The following MTDH variants were observed in gnomAD, a reference collection of about 807,000 sequenced individuals.
MTDH encodes protein LYRIC.
Under a neutral mutation model 72.7 loss-of-function variants are expected in MTDH, and 34 were observed. That is an observed-to-expected ratio of 0.47 (90% CI 0.36 to 0.62). MTDH has a LOEUF of 0.62. Ranked by LOEUF, MTDH falls within the 20% of genes least tolerant of loss-of-function variation. The pLI is 0.00. For missense variants in MTDH, 677 were observed against 699.4 expected (o/e 0.97, Z 0.36); for synonymous variants, 266 against 268.9 (o/e 0.99, Z 0.10).
chr8:97,672,033 A>G (rs1812644745), intron 2 of MTDH, among the ~76,000 whole-genome samples: 1 of 152,170 alleles, frequency 6.6e-6, no homozygotes, highest in Non-Finnish European at 1.5e-5. Context: ...GCAAAACAGA[A>G]TATCTGCATG....
intron 2 of MTDH, among the ~76,000 whole-genome samples, chr8:97,661,974 A>G (rs905695834): frequency 1.3e-5 from 2 of 151,516 alleles, no homozygotes; most frequent in Admixed American, 6.6e-5. Context: ...TGGATGTGAG[A>G]TTTTCCAAGT....
intron 8 of MTDH, among the ~76,000 whole-genome samples, chr8:97,712,928 A>C (rs1814695282): frequency 6.6e-6 from 1 of 152,070 alleles, no homozygotes; most frequent in Admixed American, 6.6e-5. Context: ...AGTTCCATGG[A>C]TGGAACCATA....
At chr8:97,673,660 TGGGCGGGGCGGGGA>T (rs1218084404) in intron 2 of MTDH, among the ~76,000 whole-genome samples, 1 of 98,912 alleles carries the variant, frequency 1.0e-5, no homozygotes, top group Non-Finnish European at 2.0e-5. Context: ...AACTCTGTCT[TGGGCGGGGCGGGGA>T]AGGGGGGGCA....
intron 11 of MTDH, among the ~76,000 whole-genome samples, chr8:97,723,458 A>G (rs1815219116): frequency 7.1e-6 from 1 of 140,948 alleles, no homozygotes; most frequent in South Asian, 2.3e-4. Flanking sequence ...AAAATGCTAA[A>G]TTCTGCCGGG....
chr8:97,664,771 C>G (rs894953512), intron 2 of MTDH, among the ~76,000 whole-genome samples: 2 of 135,030 alleles, frequency 1.5e-5, no homozygotes, highest in African/African-American at 5.5e-5. Flanking sequence ...TCTTTTTTTT[C>G]TTTCCTTTCT....
At chr8:97,720,118 C>T (rs537913635) in intron 10 of MTDH, among the ~76,000 whole-genome samples, 2 of 151,850 alleles carry the variant, frequency 1.3e-5, no homozygotes, top group Non-Finnish European at 2.9e-5. Context: ...AACCCTGTCT[C>T]TACTAAAAAT....
Position 97,691,017 on chromosome 8 carries a change from C to G in MTDH, c.877C>G (p.Leu293Val), listed in dbSNP as rs1290784572. The G allele has an allele frequency of 6.2e-7, 1 of 1,613,984 alleles. No individual in the cohort carries two copies. Among genetic ancestry groups the G allele is most frequent in the Non-Finnish European group, 8.5e-7 (1 of 1,180,004 alleles). Residue 293 changes from leucine (L) to valine (V), a missense_variant, in exon 6 of 12, where the codon CTC (leucine) becomes GTC (valine). Physicochemically the swap from Leu to Val is conservative, Grantham distance 32. Transcript: ENST00000336273. The part of the protein sequence containing the change: ...GGGWNEKSVK[L>V]SSQISAGEEK... ...AGGCTGGAATGAAAAGTCTGTAAAA[C>G]TCTCCTCACAGATCAGTGCAGGTGA... is the stretch of plus-strand genomic sequence containing the variant.
intron 2 of MTDH, among the ~76,000 whole-genome samples, chr8:97,662,843 A>G (rs1054580263): frequency 6.6e-6 from 1 of 151,398 alleles, no homozygotes; most frequent in Non-Finnish European, 1.5e-5. Context: ...AATGCTTCCA[A>G]TTTCAAAATG....
Position 97,727,661 on chromosome 8 carries a change from A to G in MTDH, c.*2991A>G, listed in dbSNP as rs1815410375. On this transcript the variant is annotated 3_prime_UTR_variant, in exon 12 of 12. Coordinates refer to ENST00000336273, the MANE Select transcript of MTDH (RefSeq NM_178812.4). ...TAGTAGGGAAATAACTAACCTCTTCAGGCTTTATCAGGCCTGGAGGGGAAC... is the reference window on the plus strand; with the variant it reads ...TAGTAGGGAAATAACTAACCTCTTCGGGCTTTATCAGGCCTGGAGGGGAAC... 6.6e-6 allele frequency: 1 copy of G among 152,080 alleles called. No individual in the cohort carries two copies. Among genetic ancestry groups the G allele is most frequent in the Admixed American group, 6.6e-5 (1 of 15,250 alleles). The allele number at this position is 152,080 out of a possible 1,614,324, so 9.4% of individuals were successfully genotyped here.
chr8:97,648,932 A>G (rs1811663730), intron 1 of MTDH, among the ~76,000 whole-genome samples: 1 of 151,678 alleles, frequency 6.6e-6, no homozygotes, highest in South Asian at 2.1e-4. Flanking sequence ...TTTCTCTTTA[A>G]GTGGAAAGTG....
intron 2 of MTDH, among the ~76,000 whole-genome samples, chr8:97,664,617 G>A (rs1163842939): frequency 6.6e-6 from 1 of 152,108 alleles, no homozygotes; most frequent in East Asian, 1.9e-4. Context: ...TCAGGTCTAG[G>A]TGACTCAGTT....
chr8:97,717,632 C>T (rs577235940), intron 9 of MTDH, among the ~76,000 whole-genome samples: 1 of 148,210 alleles, frequency 6.7e-6, no homozygotes, highest in African/African-American at 2.5e-5. Flanking sequence ...TCCCCCCCCC[C>T]CCAAAAATGG....
intron 1 of MTDH, among the ~76,000 whole-genome samples, chr8:97,654,752 T>TATAC (rs1554573493): frequency 6.6e-6 from 1 of 151,452 alleles, no homozygotes; most frequent in African/African-American, 2.4e-5. Context: ...ATTATATATA[T>TATAC]ACACACACAC....
At chr8:97,679,193 G>A (rs1226366197) in intron 2 of MTDH, among the ~76,000 whole-genome samples, 1 of 151,844 alleles carries the variant, frequency 6.6e-6, no homozygotes, top group Non-Finnish European at 1.5e-5. Context: ...ATTTACCTAG[G>A]GTTACTTTGA....
Position 97,682,100 on chromosome 8 carries a change from A to G in MTDH, c.484-4568A>G, listed in dbSNP as rs1813102243. ...AGTCTTAGCTAAAGTGGAGCTGCTA[A>G]GAAGTAAGATGTTTGCTTCAGTAGT... On this transcript the variant is annotated intron_variant, in intron 2 of 11. Transcript: ENST00000336273. Among the ~76,000 whole-genome samples the G allele has an allele frequency of 2.0e-5, 3 of 151,374 alleles. No individual in the cohort carries two copies. The South Asian group carries it at 6.3e-4, about 32-fold the overall frequency.
At position 97,675,579 on chromosome 8, in the gene MTDH, ATTAC is replaced by A. The variant is rs1408274656; in HGVS notation, c.484-11088_484-11085del. ...TGTCTCAAAAAAAAAAAAAAAAAAA[ATTAC>A]ATTCAGGGCCAGGCAAAGGGGACTC... On this transcript the variant is annotated intron_variant, in intron 2 of 11. Transcript: ENST00000336273. Among the ~76,000 whole-genome samples the A allele has an allele frequency of 4.8e-3, 634 of 130,928 alleles. 7 individuals carry two copies. The highest frequency in any genetic ancestry group is 0.022 in the South Asian group (96 of 4,376). The allele number at this position is 130,928 out of a possible 152,430, so 85.9% of individuals were successfully genotyped here. A position where few individuals can be genotyped will look rare whatever the true frequency, so the allele number is the denominator to read the frequency against.
At chr8:97,654,301 G>A (rs1057105390) in intron 1 of MTDH, among the ~76,000 whole-genome samples, 1 of 152,196 alleles carries the variant, frequency 6.6e-6, no homozygotes, top group Non-Finnish European at 1.5e-5. Context: ...GTTGCTGTGT[G>A]CATAACATTT....
intron 2 of MTDH, among the ~76,000 whole-genome samples, chr8:97,683,048 T>C (rs1813202024): frequency 1.4e-5 from 1 of 71,018 alleles, no homozygotes; most frequent in African/African-American, 1.5e-4. Context: ...TTAGACACTT[T>C]TTTTTTTTTT....
intron 5 of MTDH, 134 bp from the exon 6 acceptor site, chr8:97,690,818 C>A (rs970612854): frequency 4.6e-6 from 3 of 648,630 alleles, no homozygotes; most frequent in Non-Finnish European, 7.6e-6. Context: ...TAAATTAAGG[C>A]AATCCTTGGT....
Sources: gnomAD v4.1 joint callset for allele counts (sites outside exome capture counted in the v4.1 genomes callset) on GRCh38, gnomAD v4.1.1 for gene constraint, MANE v1.5 for transcripts, NCBI Gene and HGNC (gene_info 2026-07-23, HGNC 2026-07-21) for gene names.